Variants in NUP205 observed in about 807,000 individuals in gnomAD.
NUP205 encodes nuclear pore complex protein Nup205.
NUP205 carries 76 observed loss-of-function variants against 253.8 expected under a neutral mutation model. The observed-to-expected ratio is 0.30, with a 90% CI of 0.25 to 0.36. The LOEUF (loss-of-function observed/expected upper bound fraction) is 0.36. NUP205 is among the 10% of genes least tolerant of loss of function. The pLI, the probability that NUP205 is intolerant of heterozygous loss-of-function variation, is 1.00. For missense variants in NUP205, 2,162 were observed against 2,425.5 expected (o/e 0.89, Z 2.28); for synonymous variants, 832 against 850.1 (o/e 0.98, Z 0.37).
Position 135,591,351 on chromosome 7 carries a change from G to A in NUP205, c.1474-99G>A, listed in dbSNP as rs1806624033. The A allele has an allele frequency of 3.1e-6, 3 of 971,414 alleles. No homozygotes were observed. In the East Asian group the frequency reaches 7.5e-5, roughly 24 times the overall value. The allele number at this position is 971,414 out of a possible 1,614,324, so 60.2% of individuals were successfully genotyped here. ...TGTCTGTTGCGAGGGTTAAGTCAGA[G>A]CACTACTTTTAGTTTATATGTAGTC... On this transcript the variant is annotated intron_variant, in intron 10 of 42. Coordinates refer to ENST00000285968, the MANE Select transcript of NUP205 (RefSeq NM_015135.3).
chr7:135,558,136 C>T, intron 1 of NUP205, 164 bp downstream of exon 1: 6 of 670,790 alleles, frequency 8.9e-6, no homozygotes, highest in Admixed American at 6.9e-5. Flanking sequence ...GTTTGAATGG[C>T]GCGCGTCGGT....
At chr7:135,580,328 G>A (rs572260582) in intron 7 of NUP205, among the ~76,000 whole-genome samples, 1 of 152,256 alleles carries the variant, frequency 6.6e-6, no homozygotes, top group Non-Finnish European at 1.5e-5. Flanking sequence ...AATGCTGATA[G>A]CGAATTAGAC....
At position 135,625,432 on chromosome 7, in the gene NUP205, T is replaced by C. The variant is rs1584682965; in HGVS notation, c.4671+77T>C. On this transcript the variant is annotated intron_variant, in intron 32 of 42. Transcript: ENST00000285968. ...CTATAGATGTATTAAAGAAAATTAA[T>C]GTGGCATACATTCTGAATATTTCTA... 1.5e-5 allele frequency: 16 copies of C among 1,065,716 alleles called. No homozygotes were observed. In the East Asian group the frequency reaches 2.0e-4, roughly 14 times the overall value. The allele number at this position is 1,065,716 out of a possible 1,614,324, so 66.0% of individuals were successfully genotyped here.
chr7:135,599,423 A>G (rs1793918540), intron 15 of NUP205, among the ~76,000 whole-genome samples: 1 of 152,136 alleles, frequency 6.6e-6, no homozygotes, highest in African/African-American at 2.4e-5. Flanking sequence ...GGTGGGGTAT[A>G]CACTTTACTT....
chr7:135,596,418 C>T (rs995050329), intron 13 of NUP205, among the ~76,000 whole-genome samples: 3 of 152,280 alleles, frequency 2.0e-5, no homozygotes, highest in Non-Finnish European at 2.9e-5. Context: ...TAGTGTCTTA[C>T]GGGCTTAGTG....
chr7:135,580,233 C>T (rs1806267220), intron 7 of NUP205, among the ~76,000 whole-genome samples: 1 of 152,090 alleles, frequency 6.6e-6, no homozygotes, highest in Admixed American at 6.5e-5. Flanking sequence ...CATGCTGTTC[C>T]CAAGGTGTTT....
intron 13 of NUP205, among the ~76,000 whole-genome samples, chr7:135,596,033 C>T (rs1793826947): frequency 6.6e-6 from 1 of 152,040 alleles, no homozygotes; most frequent in Non-Finnish European, 1.5e-5. Context: ...CTCCTGGGTT[C>T]AAGCGATTCT....
intron 35 of NUP205, among the ~76,000 whole-genome samples, chr7:135,633,741 C>G (rs994879652): frequency 3.3e-5 from 5 of 152,220 alleles, no homozygotes; most frequent in African/African-American, 1.2e-4. Flanking sequence ...CTGAACCCGG[C>G]CCCATTTTTG....
chr7:135,604,547 T>C (rs989209534), intron 19 of NUP205, 87 bp downstream of exon 19: 6 of 1,304,210 alleles, frequency 4.6e-6, no homozygotes, highest in African/African-American at 1.5e-5. Context: ...GGAGGAATCA[T>C]ATTCTTGGTT....
intron 36 of NUP205, 79 bp from the exon 37 acceptor site, chr7:135,637,852 G>A (rs1794839477): frequency 7.4e-7 from 1 of 1,352,934 alleles, no homozygotes; most frequent in Non-Finnish European, 1.0e-6. Flanking sequence ...TCTCCACTGA[G>A]TTTTTCTTGT....
chr7:135,644,620 G>A (rs1054010550), intron 39 of NUP205, among the ~76,000 whole-genome samples: 1 of 152,212 alleles, frequency 6.6e-6, no homozygotes, highest in Non-Finnish European at 1.5e-5. Context: ...TTGTTTTAAT[G>A]TGACAGGAAA....
intron 20 of NUP205, 31 bp from the exon 21 acceptor site, chr7:135,606,720 T>C (rs779789379): frequency 2.5e-6 from 4 of 1,581,770 alleles, no homozygotes; most frequent in Non-Finnish European, 3.5e-6. Context: ...TCCACTGTTT[T>C]GTAATTTTGT....
intron 22 of NUP205, among the ~76,000 whole-genome samples, chr7:135,607,790 T>C (rs1794120072): frequency 1.3e-5 from 2 of 152,016 alleles, no homozygotes; most frequent in Admixed American, 6.6e-5. Flanking sequence ...GAGACTTCAA[T>C]GAGAATGTAA....
In NUP205 at chr7:135,577,933, C is replaced by T. The variant is rs12707242; in HGVS notation, c.786C>T (p.Gly262=). The T allele has an allele frequency of 0.011, 18,403 of 1,613,828 alleles. 124 individuals carry two copies. The highest frequency in any genetic ancestry group is 0.014 in the Non-Finnish European group (16,735 of 1,179,750). Residue 262 remains glycine (G), a synonymous_variant, in exon 6 of 43, where the codon GGC becomes GGT. Transcript: ENST00000285968. The part of the protein sequence containing the change: ...HLERVTVEAN[G]SLDAVNLALL... Reference sequence around the variant, plus strand: ...AAAGAGTGACAGTTGAGGCTAATGGCTCACTGGATGCAGTGAATCTGGCTC... The same window carrying T: ...AAAGAGTGACAGTTGAGGCTAATGGTTCACTGGATGCAGTGAATCTGGCTC...
intron 24 of NUP205, 59 bp downstream of exon 24, chr7:135,616,124 A>G (rs1463657790): frequency 4.7e-6 from 7 of 1,493,906 alleles, no homozygotes; most frequent in Admixed American, 3.8e-5. Flanking sequence ...GACAAGCACA[A>G]ATCTGAAGCT....
At chr7:135,623,825 C>G (rs1794524886) in intron 31 of NUP205, among the ~76,000 whole-genome samples, 1 of 152,192 alleles carries the variant, frequency 6.6e-6, no homozygotes, top group African/African-American at 2.4e-5. Flanking sequence ...CTCTGTCGCC[C>G]CGGCTAGAGT....
chr7:135,632,679 C>T (rs1302384427), intron 35 of NUP205, among the ~76,000 whole-genome samples: 2 of 151,992 alleles, frequency 1.3e-5, no homozygotes, highest in Non-Finnish European at 2.9e-5. Flanking sequence ...TGGTGTGCTT[C>T]GTTCACCAGT....
At chr7:135,581,129 T>C (rs978265618) in intron 7 of NUP205, among the ~76,000 whole-genome samples, 21 of 152,202 alleles carry the variant, frequency 1.4e-4, no homozygotes, top group African/African-American at 5.1e-4. Flanking sequence ...TTTGCAGAAA[T>C]GGTCACTTCT....
intron 10 of NUP205, among the ~76,000 whole-genome samples, chr7:135,590,453 T>G (rs1230444953): frequency 6.6e-6 from 1 of 152,052 alleles, no homozygotes; most frequent in Non-Finnish European, 1.5e-5. Flanking sequence ...TTAAAGTAAA[T>G]TATAGGCAAA....
Sources: allele counts gnomAD v4.1 joint callset (sites outside exome capture counted in the v4.1 genomes callset), GRCh38; gene constraint gnomAD v4.1.1; transcripts MANE v1.5; gene names NCBI Gene and HGNC (gene_info 2026-07-23, HGNC 2026-07-21).